PTPRD: variants seen among roughly 807,000 people sequenced by gnomAD.
PTPRD encodes the protein protein tyrosine phosphatase receptor type D.
A neutral mutation model predicts 214.5 loss-of-function variants in PTPRD; 34 were observed. That is an observed-to-expected ratio of 0.16 (90% CI 0.12 to 0.21). PTPRD has a LOEUF of 0.21. Among genes scored for constraint, PTPRD ranks in the 10% least tolerant of loss-of-function variants. The probability of loss-of-function intolerance (pLI) is 1.00; values close to 1 mark genes in which losing one functional copy is unlikely to be tolerated. For missense variants in PTPRD, 2,545 were observed against 2,398.7 expected, an observed-to-expected ratio of 1.06 and a Z score of -1.27; for synonymous variants, 1,128 against 845.7, an observed-to-expected ratio of 1.33 and a Z score of -5.79.
Position 10,402,205 on chromosome 9 carries a change from A to G in PTPRD, c.-599-61188T>C, listed in dbSNP as rs748456766. On this transcript the variant is annotated intron_variant, in intron 2 of 45. Transcript: ENST00000381196. ...TTAAATATTATTTAGATATCTTCAG[A>G]TTGTCTTATGAACATGCCCATGCAA... 1.5e-3 allele frequency among the ~76,000 whole-genome samples: 224 copies of G among 151,814 alleles called. 2 individuals carry two copies. The highest frequency in any genetic ancestry group is 2.8e-3 in the Non-Finnish European group (193 of 67,768).
At chr9:9,541,205 T>G (rs540792040) in intron 8 of PTPRD, among the ~76,000 whole-genome samples, 77 of 151,778 alleles carry the variant, frequency 5.1e-4, no homozygotes, top group African/African-American at 1.9e-3. Context: ...AAGTTAGAAG[T>G]GTTATATAAG....
chr9:9,726,216 A>T (rs2098087885), intron 7 of PTPRD, among the ~76,000 whole-genome samples: 1 of 152,128 alleles, frequency 6.6e-6, no homozygotes, highest in Non-Finnish European at 1.5e-5. Context: ...ATTCCATCCT[A>T]CACCAAAAAA....
intron 3 of PTPRD, among the ~76,000 whole-genome samples, chr9:10,265,857 A>T (rs1248739535): frequency 2.0e-5 from 3 of 152,208 alleles, no homozygotes; most frequent in Non-Finnish European, 2.9e-5. Context: ...TTCTGTCATT[A>T]GAAGTTGCAT....
At chr9:8,400,025 G>A (rs1388044611) in intron 36 of PTPRD, among the ~76,000 whole-genome samples, 4 of 147,736 alleles carry the variant, frequency 2.7e-5, no homozygotes, top group African/African-American at 1.0e-4. Context: ...CTATTATAAT[G>A]TCTTGTCTTT....
At position 9,947,479 on chromosome 9, in the gene PTPRD, A is replaced by T. The variant is rs1474684599; in HGVS notation, c.-471-8869T>A. On this transcript the variant is annotated intron_variant, in intron 4 of 45. Coordinates refer to ENST00000381196, the MANE Select transcript of PTPRD (RefSeq NM_002839.4). ...TTTATATATACTATATATTATATAT[A>T]TTTTATATATATTATATATATTTTA... Among the ~76,000 whole-genome samples the T allele has an allele frequency of 3.0e-4, 8 of 26,306 alleles. 1 individual carries two copies. The highest frequency in any genetic ancestry group is 7.8e-4 in the African/African-American group (5 of 6,384). The allele number at this position is 26,306 out of a possible 152,430, so 17.3% of individuals were successfully genotyped here.
chr9:10,073,619 G>C (rs1430515482), intron 3 of PTPRD, among the ~76,000 whole-genome samples: 1 of 152,098 alleles, frequency 6.6e-6, no homozygotes, highest in Non-Finnish European at 1.5e-5. Flanking sequence ...TTGGTGACTA[G>C]TTCCCCTGTC....
chr9:9,002,553 A>G (rs1429856819), intron 11 of PTPRD, among the ~76,000 whole-genome samples: 1 of 152,110 alleles, frequency 6.6e-6, no homozygotes, highest in African/African-American at 2.4e-5. Flanking sequence ...TAGTTTAGAT[A>G]AACCTATACA....
chr9:9,817,639 A>C (rs1338846909), intron 5 of PTPRD, among the ~76,000 whole-genome samples: 1 of 152,132 alleles, frequency 6.6e-6, no homozygotes, highest in Non-Finnish European at 1.5e-5. Flanking sequence ...TCTTATTTAC[A>C]TTATTTTTGT....
At chr9:9,350,072 A>T (rs547979005) in intron 9 of PTPRD, among the ~76,000 whole-genome samples, 6 of 152,072 alleles carry the variant, frequency 3.9e-5, no homozygotes, top group Non-Finnish European at 8.8e-5. Flanking sequence ...GGACCCCAGG[A>T]GCTATGCTCC....
In PTPRD at chr9:9,774,414, G is replaced by T. The variant is rs78946291; in HGVS notation, c.-367-7563C>A. ...AAATCCTTTTAACACAGTGGATAGG[G>T]TGATGATTTGGGCTCAGGGTCCAAG... is the stretch of plus-strand genomic sequence containing the variant. On this transcript the variant is annotated intron_variant, in intron 5 of 45. Coordinates refer to ENST00000381196, the MANE Select transcript of PTPRD (RefSeq NM_002839.4). Among the ~76,000 whole-genome samples, 757 of 152,288 alleles carry T rather than the reference G, an allele frequency of 5.0e-3. 6 individuals carry two copies. The highest frequency in any genetic ancestry group is 0.017 in the Middle Eastern group (5 of 294).
At chr9:8,345,432 T>C (rs182276581) in intron 39 of PTPRD, among the ~76,000 whole-genome samples, 1 of 152,160 alleles carries the variant, frequency 6.6e-6, no homozygotes, top group East Asian at 1.9e-4. Context: ...CCAAATATGG[T>C]GACTTTCCTG....
At chr9:8,898,931 A>C (rs555100321) in intron 11 of PTPRD, among the ~76,000 whole-genome samples, 1 of 152,306 alleles carries the variant, frequency 6.6e-6, no homozygotes, top group East Asian at 1.9e-4. Context: ...ACAAAAGCAA[A>C]AATATAACTA....
chr9:8,467,854 T>C (rs914726283), intron 31 of PTPRD, among the ~76,000 whole-genome samples: 3 of 151,946 alleles, frequency 2.0e-5, no homozygotes, highest in Non-Finnish European at 4.4e-5. Flanking sequence ...TTATTGTTGA[T>C]ATGTAGTTAA....
At chr9:8,854,281 G>A (rs2097872391) in intron 11 of PTPRD, among the ~76,000 whole-genome samples, 1 of 152,120 alleles carries the variant, frequency 6.6e-6, no homozygotes, top group Non-Finnish European at 1.5e-5. Flanking sequence ...CTCTTATACT[G>A]CCTGCAAATA....
At chr9:9,341,904 G>A (rs1320296395) in intron 9 of PTPRD, among the ~76,000 whole-genome samples, 1 of 152,110 alleles carries the variant, frequency 6.6e-6, no homozygotes, top group Non-Finnish European at 1.5e-5. Flanking sequence ...CACCTCCTGG[G>A]TTCAAGTGAT....
intron 9 of PTPRD, among the ~76,000 whole-genome samples, chr9:9,359,731 G>C (rs1407241267): frequency 1.3e-5 from 2 of 151,142 alleles, no homozygotes; most frequent in Admixed American, 6.6e-5. Flanking sequence ...AATTCCATTT[G>C]ATGCTGATAA....
At chr9:8,671,048 T>G (rs1012748581) in intron 12 of PTPRD, among the ~76,000 whole-genome samples, 1 of 152,112 alleles carries the variant, frequency 6.6e-6, no homozygotes, top group Non-Finnish European at 1.5e-5. Flanking sequence ...ACTGTGGCAA[T>G]AGAGACATTC....
chr9:10,543,294 T>C lies in PTPRD; in HGVS notation c.-600+69104A>G, dbSNP rs139481440. ...GTCTAAAGCAATTTATGAAATATTA[T>C]ATAATTTACTTATATAATTTGATTT... On this transcript the variant is annotated intron_variant, in intron 2 of 45. Transcript: ENST00000381196. 3.2e-4 allele frequency among the ~76,000 whole-genome samples: 48 copies of C among 152,292 alleles called. No individual in the cohort carries two copies. In the East Asian group the frequency reaches 9.1e-3, roughly 29 times the overall value.
chr9:8,848,494 T>C (rs572820352), intron 11 of PTPRD, among the ~76,000 whole-genome samples: 1 of 129,424 alleles, frequency 7.7e-6, no homozygotes, highest in Non-Finnish European at 1.6e-5. Flanking sequence ...CACCACCGTA[T>C]CTGGCAAATA....
Sources: allele counts gnomAD v4.1 joint callset (sites outside exome capture counted in the v4.1 genomes callset), GRCh38; gene constraint gnomAD v4.1.1; transcripts MANE v1.5; gene names NCBI Gene and HGNC (gene_info 2026-07-23, HGNC 2026-07-21).